Variants in SMURF1 observed in about 807,000 individuals in gnomAD.
SMURF1 encodes the protein SMAD specific E3 ubiquitin protein ligase 1.
Under a neutral mutation model 98.0 loss-of-function variants are expected in SMURF1, and 44 were observed. The observed-to-expected ratio is 0.45, with a 90% confidence interval of 0.35 to 0.58. SMURF1 has a LOEUF of 0.58. Ranked by LOEUF, SMURF1 falls within the 20% of genes least tolerant of loss-of-function variation. The probability of loss-of-function intolerance (pLI) is 0.00; values close to 1 mark genes in which losing one functional copy is unlikely to be tolerated. For missense variants in SMURF1, 687 were observed against 938.4 expected, an observed-to-expected ratio of 0.73 and a Z score of 3.50; for synonymous variants, 396 against 374.9, an observed-to-expected ratio of 1.06 and a Z score of -0.65.
Position 99,037,958 on chromosome 7 carries a change from CCA to C in SMURF1, c.1688+428_1688+429del, listed in dbSNP as rs570891464. Among the ~76,000 whole-genome samples, 423 of 152,298 alleles carry C rather than the reference CCA, an allele frequency of 2.8e-3. 2 individuals are homozygous for C. Among genetic ancestry groups the C allele is most frequent in the African/African-American group, 9.8e-3 (406 of 41,570 alleles). ...AGGACAGCGTGGCACACAGACGTGC[CCA>C]CATAGTTCTCAGCTGCAAGTGCCTA... On this transcript the variant is annotated intron_variant, in intron 14 of 17. Coordinates refer to ENST00000361368, the MANE Select transcript of SMURF1 (RefSeq NM_181349.3).
intron 1 of SMURF1, among the ~76,000 whole-genome samples, chr7:99,085,652 G>T (rs1327363219): frequency 2.0e-5 from 3 of 152,170 alleles, no homozygotes; most frequent in African/African-American, 7.2e-5. Flanking sequence ...TCGTGGTGCA[G>T]TACATTCTAT....
intron 1 of SMURF1, among the ~76,000 whole-genome samples, chr7:99,074,416 C>T (rs1047642238): frequency 6.6e-5 from 10 of 151,892 alleles, no homozygotes; most frequent in Admixed American, 2.0e-4. Flanking sequence ...CAAGACAATT[C>T]GATGATGGGG....
rs1563010581 is a variant in SMURF1 at position 99,059,414 on chromosome 7, AAATAAAAT to A, written c.203+1177_203+1184del. Among the ~76,000 whole-genome samples the A allele has an allele frequency of 7.8e-3, 410 of 52,670 alleles. 14 individuals are homozygous for A. The highest frequency in any genetic ancestry group is 0.062 in the Middle Eastern group (5 of 80). 34.6% of individuals were successfully genotyped at this position (52,670 alleles called of 152,430 possible). ...CTCCATCTCAAAAAAAAATAAAATAAAATAAAATAAAATAAAATAAAATAAAATAAAAT... is the reference window on the plus strand; with the variant it reads ...CTCCATCTCAAAAAAAAATAAAATAAAAAATAAAATAAAATAAAATAAAAT... On this transcript the variant is annotated intron_variant, in intron 3 of 17. Transcript: ENST00000361368.
chr7:99,034,510 C>T (rs541782895), intron 16 of SMURF1, among the ~76,000 whole-genome samples: 21 of 151,962 alleles, frequency 1.4e-4, no homozygotes, highest in South Asian at 2.1e-4. Flanking sequence ...TTTTTTTCCT[C>T]GGGGGGATAA....
intron 1 of SMURF1, among the ~76,000 whole-genome samples, chr7:99,085,401 C>G (rs1165535646): frequency 6.6e-6 from 1 of 151,720 alleles, no homozygotes; most frequent in African/African-American, 2.4e-5. Context: ...AAGAAAGTCT[C>G]CTGGGAGGGA....
chr7:99,138,673 C>T (rs930809354), intron 1 of SMURF1, among the ~76,000 whole-genome samples: 1 of 151,818 alleles, frequency 6.6e-6, no homozygotes, highest in Non-Finnish European at 1.5e-5. Context: ...AGAAATAAAG[C>T]ATATGAAAGA....
At chr7:99,078,702 C>T (rs1034188592) in intron 1 of SMURF1, among the ~76,000 whole-genome samples, 4 of 152,196 alleles carry the variant, frequency 2.6e-5, no homozygotes, top group Admixed American at 6.5e-5. Flanking sequence ...ACTGCGCATG[C>T]GAGGGGTCTA....
chr7:99,099,718 G>T (rs2056661), intron 1 of SMURF1, among the ~76,000 whole-genome samples: 114,639 of 151,974 alleles, frequency 0.75, 46,068 homozygotes, highest in South Asian at 0.92. Context: ...TCACGGAATG[G>T]ATTCATTCCC....
intron 1 of SMURF1, among the ~76,000 whole-genome samples, chr7:99,138,550 A>G (rs1414707440): frequency 6.6e-6 from 1 of 152,222 alleles, no homozygotes; most frequent in Non-Finnish European, 1.5e-5. Context: ...GAAAAACCCA[A>G]CATTCAGAAA....
At chr7:99,082,069 A>G (rs1321442689) in intron 1 of SMURF1, among the ~76,000 whole-genome samples, 1 of 152,222 alleles carries the variant, frequency 6.6e-6, no homozygotes, top group Admixed American at 6.5e-5. Context: ...CTTATTGGCC[A>G]TGTTGGTAGC....
chr7:99,033,222 C>T, intron 16 of SMURF1, 101 bp from the exon 17 acceptor site: 2 of 1,174,022 alleles, frequency 1.7e-6, no homozygotes, highest in Non-Finnish European at 2.4e-6. Context: ...CATTCCCACC[C>T]CCACACCCAG....
At chr7:99,100,172 T>C (rs13233515) in intron 1 of SMURF1, among the ~76,000 whole-genome samples, 115,227 of 151,830 alleles carry the variant, frequency 0.76, 46,579 homozygotes, top group South Asian at 0.93. Context: ...AATATATACT[T>C]TTAACAATAT....
At chr7:99,115,403 G>A (rs991471182) in intron 1 of SMURF1, among the ~76,000 whole-genome samples, 1 of 152,214 alleles carries the variant, frequency 6.6e-6, no homozygotes, top group South Asian at 2.1e-4. Context: ...AGACTAGCCT[G>A]ACAACACAGT....
At chr7:99,032,406 C>T (rs1161704944) in intron 17 of SMURF1, among the ~76,000 whole-genome samples, 3 of 152,240 alleles carry the variant, frequency 2.0e-5, no homozygotes, top group Non-Finnish European at 4.4e-5. Flanking sequence ...TGGTGGCTCA[C>T]GCCTGTAATC....
intron 16 of SMURF1, among the ~76,000 whole-genome samples, chr7:99,034,931 CCCTTCACTCACCT>C (rs1795076213): frequency 6.6e-6 from 1 of 152,192 alleles, no homozygotes; most frequent in African/African-American, 2.4e-5. Flanking sequence ...TATGGTGACA[CCCTTCACTCACCT>C]CACTCCTTCC....
intron 15 of SMURF1, chr7:99,036,060 C>G (rs1406527489): frequency 2.9e-6 from 1 of 344,380 alleles, no homozygotes; most frequent in Non-Finnish European, 5.6e-6. Context: ...AATAACGGCA[C>G]GTCCCAGGGT....
At chr7:99,126,851 CAGCTA>C (rs1030143195) in intron 1 of SMURF1, among the ~76,000 whole-genome samples, 4 of 152,174 alleles carry the variant, frequency 2.6e-5, no homozygotes, top group Admixed American at 2.6e-4. Context: ...ATGAATTTCA[CAGCTA>C]TTAAAAAGAA....
At chr7:99,080,310 T>C (rs1209740931) in intron 1 of SMURF1, among the ~76,000 whole-genome samples, 2 of 152,230 alleles carry the variant, frequency 1.3e-5, no homozygotes, top group Non-Finnish European at 2.9e-5. Flanking sequence ...TGTTTTGTTT[T>C]GTTTTTGAGA....
At chr7:99,106,666 A>G (rs770194205) in intron 1 of SMURF1, among the ~76,000 whole-genome samples, 1 of 152,260 alleles carries the variant, frequency 6.6e-6, no homozygotes, top group Non-Finnish European at 1.5e-5. Flanking sequence ...TGTAATCCCA[A>G]CCGCTCAGGA....
Sources: allele counts gnomAD v4.1 joint callset (sites outside exome capture counted in the v4.1 genomes callset), GRCh38; gene constraint gnomAD v4.1.1; transcripts MANE v1.5; gene names NCBI Gene and HGNC (gene_info 2026-07-23, HGNC 2026-07-21).